HIP1: variants seen among roughly 807,000 people sequenced by gnomAD.
HIP1 encodes huntingtin interacting protein 1, also known as huntingtin-interacting protein 1.
A neutral mutation model predicts 147.6 loss-of-function variants in HIP1; 65 were observed. The observed-to-expected ratio is 0.44, with a 90% CI of 0.36 to 0.54. HIP1 has a LOEUF of 0.54. Ranked by LOEUF, HIP1 falls within the 20% of genes least tolerant of loss-of-function variation. The pLI, the probability that HIP1 is intolerant of heterozygous loss-of-function variation, is 0.00. For synonymous variants in HIP1, 479 were observed against 504.0 expected (o/e 0.95, Z 0.67); for missense variants, 1,061 against 1,299.6 (o/e 0.82, Z 2.82).
chr7:75,734,378 C>T (rs898232316), intron 1 of HIP1, among the ~76,000 whole-genome samples: 10 of 151,860 alleles, frequency 6.6e-5, no homozygotes, highest in African/African-American at 2.2e-4. Context: ...CCCAGGAGTC[C>T]CAGGCAAAAC....
At chr7:75,538,316 T>C in intron 30 of HIP1, 92 bp from the exon 31 acceptor site, 1 of 909,826 alleles carries the variant, frequency 1.1e-6, no homozygotes, top group Non-Finnish European at 1.9e-6. Flanking sequence ...GGCTCAAAAA[T>C]ACATTATAAT....
rs587736753 is a variant in HIP1, at chr7:75,543,035, A to G, written c.2767-61T>C. 4 of 1,535,796 alleles carry G rather than the reference A, an allele frequency of 2.6e-6. No homozygotes were observed. The East Asian group carries it at 9.3e-5, about 36-fold the overall frequency. ...CCTAGAGCAACAAGGACTGAATCAG[A>G]TAATTGCTCTGATGGTTCTTAGCAA... On this transcript the variant is annotated intron_variant, in intron 27 of 30. Transcript: ENST00000336926.
chr7:75,670,786 C>CTTTTTTTTTTTTT lies in HIP1; in HGVS notation c.120+68002_120+68014dup, dbSNP rs782710876. On this transcript the variant is annotated intron_variant, in intron 1 of 30. Coordinates refer to ENST00000336926, the MANE Select transcript of HIP1 (RefSeq NM_005338.7). Reference sequence around the variant, plus strand: ...GCTCACTGTACTCAGCTAATTAAAACTTTTTTTTTTTTTTTGGTAGAGATA... The same window carrying CTTTTTTTTTTTTT: ...GCTCACTGTACTCAGCTAATTAAAACTTTTTTTTTTTTTTTTTTTTTTTTTTTTGGTAGAGATA... Among the ~76,000 whole-genome samples, 177 of 122,814 alleles carry CTTTTTTTTTTTTT rather than the reference C, an allele frequency of 1.4e-3. 1 individual carries two copies. The highest frequency in any genetic ancestry group is 1.8e-3 in the Non-Finnish European group (110 of 61,304). 80.6% of individuals were successfully genotyped at this position (122,814 alleles called of 152,430 possible).
At chr7:75,640,500 C>G (rs1490054928) in intron 1 of HIP1, among the ~76,000 whole-genome samples, 1 of 152,164 alleles carries the variant, frequency 6.6e-6, no homozygotes, top group Admixed American at 6.6e-5. Flanking sequence ...GCCTGTAATC[C>G]CAGCACTTTG....
At chr7:75,565,418 A>G (rs1179112123) in intron 9 of HIP1, among the ~76,000 whole-genome samples, 1 of 152,242 alleles carries the variant, frequency 6.6e-6, no homozygotes, top group African/African-American at 2.4e-5. Flanking sequence ...CCAGGAAATC[A>G]GCCTCAGGGC....
chr7:75,614,279 G>A (rs782690717), intron 1 of HIP1, among the ~76,000 whole-genome samples: 22 of 152,186 alleles, frequency 1.4e-4, no homozygotes, highest in Non-Finnish European at 2.5e-4. Flanking sequence ...GGGCTCAAGC[G>A]CTTTGGCTGT....
rs1554495900 is a variant in HIP1, at chr7:75,568,019, T to C, written c.803+180A>G. On this transcript the variant is annotated intron_variant, in intron 9 of 30. Coordinates refer to ENST00000336926, the MANE Select transcript of HIP1 (RefSeq NM_005338.7). The surrounding 1 kb of genome is among the most constrained non-coding windows in gnomAD (Gnocchi z 4.1). ...TCTGTAGAGATGGGGTCTCGCTATG[T>C]TGCCCAGCCTGGTGTCAAACTCTTG... Among the ~76,000 whole-genome samples, 5 of 152,164 alleles carry C rather than the reference T, an allele frequency of 3.3e-5. No individual in the cohort carries two copies. The highest frequency in any genetic ancestry group is 2.9e-5 in the Non-Finnish European group (2 of 68,038).
In HIP1 at chr7:75,738,881, G is replaced by T; in HGVS notation, c.40C>A (p.Pro14Thr). Reference protein sequence around the residue: ...MASSMKQVPNPLPKVLSRRGV... With the variant: ...MASSMKQVPNTLPKVLSRRGV... ...CGCCGGCTCAGCACCTTGGGCAGTG[G>T]GTTGGGCACCTGCTTCATGGAGCTG... Residue 14 changes from proline (P) to threonine (T), a missense_variant, in exon 1 of 31, where the codon CCA (proline) becomes ACA (threonine). Transcript: ENST00000336926. 1 of 1,570,646 alleles carries T rather than the reference G, an allele frequency of 6.4e-7. No individual in the cohort carries two copies.
chr7:75,681,592 G>A (rs1180528751), intron 1 of HIP1, among the ~76,000 whole-genome samples: 1 of 145,972 alleles, frequency 6.9e-6, no homozygotes, highest in Non-Finnish European at 1.5e-5. Context: ...CTGCAGCCTC[G>A]ACATCCCAGG....
intron 9 of HIP1, among the ~76,000 whole-genome samples, chr7:75,564,342 T>G (rs973887714): frequency 6.6e-6 from 1 of 152,208 alleles, no homozygotes; most frequent in Admixed American, 6.5e-5. Flanking sequence ...TTGCCCAGGC[T>G]GGAGTGCAAT....
chr7:75,538,860 C>T (rs1217446334), intron 30 of HIP1, among the ~76,000 whole-genome samples: 1 of 152,124 alleles, frequency 6.6e-6, no homozygotes, highest in Admixed American at 6.5e-5. Flanking sequence ...AGGCGTGAGC[C>T]ACCACGCCCG....
intron 1 of HIP1, among the ~76,000 whole-genome samples, chr7:75,650,957 A>AGAGAAAG (rs1248704573): frequency 6.6e-6 from 1 of 152,162 alleles, no homozygotes; most frequent in Non-Finnish European, 1.5e-5. Context: ...AGAAGAGGGA[A>AGAGAAAG]GAGAAAGGAA....
rs1563278378 is a variant in HIP1, at chr7:75,664,017, CACATATATGTGTATATATAT to C, written c.121-64790_121-64771del. On this transcript the variant is annotated intron_variant, in intron 1 of 30. Transcript: ENST00000336926. The stretch of plus-strand genomic sequence containing the variant: ...ATACACATATATGTGTATATATATA[CACATATATGTGTATATATAT>C]ACACATATATGTGTATATACACATA... 3.1e-4 allele frequency among the ~76,000 whole-genome samples: 22 copies of C among 71,518 alleles called. 4 individuals are homozygous for C. Among genetic ancestry groups the C allele is most frequent in the Non-Finnish European group, 4.0e-4 (15 of 37,108 alleles). 46.9% of individuals were successfully genotyped at this position (71,518 alleles called of 152,430 possible).
chr7:75,627,142 G>C (rs1798071611), intron 1 of HIP1, among the ~76,000 whole-genome samples: 1 of 152,144 alleles, frequency 6.6e-6, no homozygotes, highest in African/African-American at 2.4e-5. Context: ...TACAGCATCA[G>C]GGTCCAGTGC....
intron 1 of HIP1, among the ~76,000 whole-genome samples, chr7:75,618,869 G>GT (rs1336321222): frequency 3.9e-4 from 59 of 151,322 alleles, no homozygotes; most frequent in Admixed American, 1.5e-3. Context: ...TTTCTTCCAA[G>GT]TTTTTTTGTA....
rs1554493059 is a variant in HIP1, at chr7:75,555,472, T to C, written c.1907A>G (p.Gln636Arg). ...TTCTTCAAGCTGGTTCAGGGCGTCT[T>C]GTATCACCTGCTCCGCAGCCTTCCT... ...GSRKAAEQVIQDALNQLEEPP... is the reference protein window; with the variant it reads ...GSRKAAEQVIRDALNQLEEPP... Residue 636 changes from glutamine to arginine, a missense_variant, in exon 19 of 31, where the codon CAA becomes CGA. Physicochemically the swap from Gln to Arg is conservative, Grantham distance 43. Coordinates refer to ENST00000336926, the MANE Select transcript of HIP1 (RefSeq NM_005338.7). 1 of 1,614,202 alleles carries C rather than the reference T, an allele frequency of 6.2e-7. No homozygotes were observed. The highest frequency in any genetic ancestry group is 8.5e-7 in the Non-Finnish European group (1 of 1,180,040).
Position 75,547,952 on chromosome 7 carries a change from TGA to T in HIP1, c.2407-141_2407-140del, listed in dbSNP as rs2088100606. 7 of 769,008 alleles carry T rather than the reference TGA, an allele frequency of 9.1e-6. No individual in the cohort carries two copies. The Admixed American group carries it at 1.3e-4, about 14-fold the overall frequency. 47.6% of individuals were successfully genotyped at this position (769,008 alleles called of 1,614,324 possible). ...GTCCCCAAGTCCCTGCCCACATTCT[TGA>T]GAGAGTCAGAAAAGAATCCAGACTC... is the stretch of plus-strand genomic sequence containing the variant. On this transcript the variant is annotated intron_variant, in intron 23 of 30. Coordinates refer to ENST00000336926, the MANE Select transcript of HIP1 (RefSeq NM_005338.7).
At chr7:75,566,411 G>A (rs1276998462) in intron 9 of HIP1, among the ~76,000 whole-genome samples, 1 of 151,562 alleles carries the variant, frequency 6.6e-6, no homozygotes. Flanking sequence ...TACGCAGTGA[G>A]CCCAGAATAG....
chr7:75,652,991 T>A (rs1406882172), intron 1 of HIP1, among the ~76,000 whole-genome samples: 1 of 152,138 alleles, frequency 6.6e-6, no homozygotes, highest in African/African-American at 2.4e-5. Context: ...GACAGTTAAT[T>A]CCATGTGTCA....
Sources: allele counts gnomAD v4.1 joint callset (sites outside exome capture counted in the v4.1 genomes callset), GRCh38; gene constraint gnomAD v4.1.1; non-coding constraint Gnocchi (gnomAD v3.1); transcripts MANE v1.5; gene names NCBI Gene and HGNC (gene_info 2026-07-23, HGNC 2026-07-21).